ATP8B2: variants seen among roughly 807,000 people sequenced by gnomAD.
ATP8B2 encodes the protein ATPase phospholipid transporting 8B2, also known as phospholipid-transporting ATPase ID.
Under a neutral mutation model 133.4 loss-of-function variants are expected in ATP8B2, and 70 were observed. The observed-to-expected ratio is 0.52, with a 90% CI of 0.43 to 0.64. The LOEUF (loss-of-function observed/expected upper bound fraction) is 0.64, where lower values mean the gene tolerates loss of function less well. ATP8B2 is among the 30% of genes least tolerant of loss of function. The probability of loss-of-function intolerance (pLI) is 0.00; values close to 1 mark genes in which losing one functional copy is unlikely to be tolerated. For missense variants in ATP8B2, 1,101 were observed against 1,535.7 expected, an observed-to-expected ratio of 0.72 and a Z score of 4.73; for synonymous variants, 517 against 589.5, an observed-to-expected ratio of 0.88 and a Z score of 1.78.
At position 154,328,897 on chromosome 1, in the gene ATP8B2, G is replaced by T. The variant is rs1570844957; in HGVS notation, c.31+725G>T. The stretch of plus-strand genomic sequence containing the variant: ...TGGGGCTCCCCTCTGAGCGGCTGCG[G>T]CTCCTGCACCTCCCCGGGGAGCCGC... On this transcript the variant is annotated intron_variant, in intron 2 of 27. Transcript: ENST00000368489. The surrounding 1 kb of genome is among the most constrained non-coding windows in gnomAD (Gnocchi z 4.6). The T allele has an allele frequency of 7.9e-7, 1 of 1,272,486 alleles. No homozygotes were observed. The highest frequency in any genetic ancestry group is 7.4e-5 in the East Asian group (1 of 13,520). The allele number at this position is 1,272,486 out of a possible 1,614,324, so 78.8% of individuals were successfully genotyped here.
Position 154,343,200 on chromosome 1 carries a change from C to T in ATP8B2, c.1541C>T (p.Thr514Ile). The change falls in exon 16 of 28, where the codon ACC (threonine) becomes ATC (isoleucine). Residue 514 changes from threonine (T) to isoleucine (I), a missense_variant. Thr to Ile is a moderately conservative substitution (Grantham distance 89). Transcript: ENST00000368489. This position sits in a 1 kb window ranked among gnomAD's most constrained non-coding sequence, Gnocchi z 5.8. ...RNFGFVFRSR[T>I]PKTITVHEMG... is the part of the protein sequence containing the mutation. ...TTTGGTTTTGTTTTCCGCTCTCGCA[C>T]CCCCAAAACAATCACCGTCCATGAG... 3 of 1,614,134 alleles carry T rather than the reference C, an allele frequency of 1.9e-6. No individual in the cohort carries two copies. The highest frequency in any genetic ancestry group is 2.5e-6 in the Non-Finnish European group (3 of 1,180,024).
rs1441016672 is a variant in ATP8B2, at chr1:154,340,925, G to A, written c.1106G>A (p.Arg369Gln). 1.4e-5 allele frequency: 23 copies of A among 1,614,032 alleles called. No homozygotes were observed. The highest frequency in any genetic ancestry group is 1.7e-5 in the Non-Finnish European group (20 of 1,180,030). Residue 369 changes from arginine (R) to glutamine (Q), a missense_variant, in exon 13 of 28, where the codon CGG becomes CAG. Transcript: ENST00000368489. The surrounding 1 kb of genome is among the most constrained non-coding windows in gnomAD (Gnocchi z 4.0). ...AAGAAGATGTTCTGCATGAAGAAGC[G>A]GACGCCTGCAGAAGCCCGCACCACC... ...WDKKMFCMKK[R>Q]TPAEARTTTL... is the part of the protein sequence containing the mutation.
Position 154,331,911 on chromosome 1 carries a change from G to A in ATP8B2, c.439-43G>A, listed in dbSNP as rs1686005972. On this transcript the variant is annotated intron_variant, in intron 7 of 27. Transcript: ENST00000368489. The surrounding 1 kb of genome is among the most constrained non-coding windows in gnomAD (Gnocchi z 4.8). ...GCCACCATTACAGCCCACTGGGGGT[G>A]GAGGTTTGCATATTTGGACTTCTCA... The A allele has an allele frequency of 6.4e-7, 1 of 1,574,742 alleles. No homozygotes were observed. Among genetic ancestry groups the A allele is most frequent in the Non-Finnish European group, 8.7e-7 (1 of 1,144,246 alleles).
intron 1 of ATP8B2, among the ~76,000 whole-genome samples, chr1:154,326,010 C>T (rs1570840768): frequency 6.6e-6 from 1 of 152,082 alleles, no homozygotes; most frequent in East Asian, 1.9e-4. Flanking sequence ...GCTCGTGCAG[C>T]CTTGGCCAGG....
At position 154,328,690 on chromosome 1, in the gene ATP8B2, G is replaced by A. The variant is rs1377704224; in HGVS notation, c.31+518G>A. ...CTGGCAGGCTGCGGCTCCTGCAGTC[G>A]GGGAGCGGGCGGGGGCGGAACCCTG... On this transcript the variant is annotated intron_variant, in intron 2 of 27. Transcript: ENST00000368489. The surrounding 1 kb of genome is among the most constrained non-coding windows in gnomAD (Gnocchi z 4.6). The A allele has an allele frequency of 2.4e-5, 18 of 753,082 alleles. No individual in the cohort carries two copies. Among genetic ancestry groups the A allele is most frequent in the African/African-American group, 3.8e-5 (2 of 53,148 alleles). The allele number at this position is 753,082 out of a possible 1,614,324, so 46.6% of individuals were successfully genotyped here.
At chr1:154,348,608 G>A (rs2297606) in intron 27 of ATP8B2, 70 bp downstream of exon 27, 137 of 1,579,924 alleles carry the variant, frequency 8.7e-5, no homozygotes, top group South Asian at 3.6e-4. Flanking sequence ...GTGAACACTG[G>A]GGGGCTCTGT....
In ATP8B2 at chr1:154,331,247, G is replaced by T; in HGVS notation, c.303+101G>T. On this transcript the variant is annotated intron_variant, in intron 5 of 27. Transcript: ENST00000368489. This position sits in a 1 kb window ranked among gnomAD's most constrained non-coding sequence, Gnocchi z 4.8. ...CCTTCATCCAGCACAATTTCTTGGT[G>T]ACCTTGACATCCCTTACCCGGTCCA... 1 of 1,227,140 alleles carries T rather than the reference G, an allele frequency of 8.1e-7. No individual in the cohort carries two copies. Among genetic ancestry groups the T allele is most frequent in the South Asian group, 1.3e-5 (1 of 74,256 alleles). 76.0% of individuals were successfully genotyped at this position (1,227,140 alleles called of 1,614,324 possible).
In ATP8B2 at chr1:154,345,350, G is replaced by A. The variant is rs539120418; in HGVS notation, c.2499G>A (p.Gly833=). ...CTCACATTGGTGTGGGGATCAGTGG[G>A]CAGGAAGGGATCCAGGCTGTCTTGG... The part of the protein sequence containing the change: ...KTAHIGVGIS[G]QEGIQAVLAS... The change falls in exon 23 of 28, where the codon GGG becomes GGA. Residue 833 remains glycine (G), a synonymous_variant. Transcript: ENST00000368489. This position sits in a 1 kb window ranked among gnomAD's most constrained non-coding sequence, Gnocchi z 5.6. The A allele has an allele frequency of 3.1e-6, 5 of 1,614,148 alleles. No homozygotes were observed. Among genetic ancestry groups the A allele is most frequent in the African/African-American group, 2.7e-5 (2 of 75,048 alleles).
intron 13 of ATP8B2, among the ~76,000 whole-genome samples, chr1:154,342,205 AG>A (rs548457546): frequency 4.6e-5 from 7 of 151,044 alleles, no homozygotes; most frequent in Non-Finnish European, 1.0e-4. Flanking sequence ...AGCTGCCCTG[AG>A]GGGGGTGCCG....
chr1:154,332,574 G>A (rs554034699), intron 8 of ATP8B2, 44 bp from the exon 9 acceptor site: 2 of 1,463,112 alleles, frequency 1.4e-6, no homozygotes, highest in East Asian at 4.9e-5. Context: ...AAAACATTTA[G>A]AGGATGAGGA....
In ATP8B2 at chr1:154,337,503, C is replaced by T. The variant is rs747234330; in HGVS notation, c.993C>T (p.Ile331=). ...GCTTCCTCTCCTTCTGGTCCTACATCATCATCCTCAACACCGTTGTGCCCA... is the reference window on the plus strand; with the variant it reads ...GCTTCCTCTCCTTCTGGTCCTACATTATCATCCTCAACACCGTTGTGCCCA... ...FSGFLSFWSY[I]IILNTVVPIS... is the part of the protein sequence containing the mutation. The change falls in exon 12 of 28, where the codon ATC becomes ATT. Residue 331 remains isoleucine (I), a synonymous_variant. Transcript: ENST00000368489. 5 of 1,614,086 alleles carry T rather than the reference C, an allele frequency of 3.1e-6. No homozygotes were observed. Among genetic ancestry groups the T allele is most frequent in the Admixed American group, 3.3e-5 (2 of 59,998 alleles).
At position 154,331,207 on chromosome 1, in the gene ATP8B2, C is replaced by A; in HGVS notation, c.303+61C>A. On this transcript the variant is annotated intron_variant, in intron 5 of 27. Coordinates refer to ENST00000368489, the MANE Select transcript of ATP8B2 (RefSeq NM_001370597.1). This position sits in a 1 kb window ranked among gnomAD's most constrained non-coding sequence, Gnocchi z 4.8. Reference sequence around the variant, plus strand: ...ACCCACCCCTACTCCCAGCCCCACCCCCATCTCATGGCCACCTTCATCCAG... The same window carrying A: ...ACCCACCCCTACTCCCAGCCCCACCACCATCTCATGGCCACCTTCATCCAG... 3 of 1,465,938 alleles carry A rather than the reference C, an allele frequency of 2.0e-6. No individual in the cohort carries two copies. Among genetic ancestry groups the A allele is most frequent in the East Asian group, 2.3e-5 (1 of 43,384 alleles). The allele number at this position is 1,465,938 out of a possible 1,614,324, so 90.8% of individuals were successfully genotyped here.
At position 154,344,526 on chromosome 1, in the gene ATP8B2, G is replaced by A; in HGVS notation, c.2141+26G>A. ...GTAAACAAGAAGCCCAGGGGAGGCG[G>A]TGCTGTGCGTTGTGCCCAGGGCTCA... On this transcript the variant is annotated intron_variant, in intron 20 of 27. Coordinates refer to ENST00000368489, the MANE Select transcript of ATP8B2 (RefSeq NM_001370597.1). This position sits in a 1 kb window ranked among gnomAD's most constrained non-coding sequence, Gnocchi z 4.1. 1 of 1,614,010 alleles carries A rather than the reference G, an allele frequency of 6.2e-7. No individual in the cohort carries two copies. Among genetic ancestry groups the A allele is most frequent in the Non-Finnish European group, 8.5e-7 (1 of 1,179,972 alleles).
chr1:154,337,110 T>G (rs1161381112), intron 11 of ATP8B2, among the ~76,000 whole-genome samples: 1 of 74,306 alleles, frequency 1.3e-5, no homozygotes, highest in East Asian at 7.3e-4. Context: ...TAATAGTTTT[T>G]TTTTTTTTTA....
chr1:154,350,048 GTTTTCTTTTCTT>G lies in ATP8B2; in HGVS notation c.*940_*951del, dbSNP rs1305394286. 6.6e-6 allele frequency: 1 copy of G among 151,916 alleles called. No individual in the cohort carries two copies. The highest frequency in any genetic ancestry group is 2.4e-5 in the African/African-American group (1 of 41,342). The allele number at this position is 151,916 out of a possible 1,614,324, so 9.4% of individuals were successfully genotyped here. A position where few individuals can be genotyped will look rare whatever the true frequency, so the allele number is the denominator to read the frequency against. On this transcript the variant is annotated 3_prime_UTR_variant, in exon 28 of 28. Transcript: ENST00000368489. ...GAAATTTGGTCAGTGGGGAGGGGTA[GTTTTCTTTTCTT>G]TTTTCTTTTTCTTTTTTTCTTTTTT...
intron 11 of ATP8B2, among the ~76,000 whole-genome samples, chr1:154,336,102 T>G (rs1686172045): frequency 6.6e-6 from 1 of 152,120 alleles, no homozygotes; most frequent in African/African-American, 2.4e-5. Flanking sequence ...CTTGGCATTT[T>G]TGTTGGCTTG....
chr1:154,338,807 C>G (rs1000282965), intron 12 of ATP8B2: 2 of 151,908 alleles, frequency 1.3e-5, no homozygotes, highest in African/African-American at 2.4e-5. Flanking sequence ...ACCCCTCCCC[C>G]ACAAAAAGAA....
At chr1:154,326,874 C>T (rs1199785278) in intron 1 of ATP8B2, among the ~76,000 whole-genome samples, 1 of 152,216 alleles carries the variant, frequency 6.6e-6, no homozygotes, top group Non-Finnish European at 1.5e-5. Context: ...GTGACTCATA[C>T]TCAGACTGGG....
rs1686326722 is a variant in ATP8B2, at chr1:154,340,091, G to GATTGA, written c.1035-759_1035-758insAATTG. ...GCTACTAGGGAGGCTGAGGTGGGAGGATTGCTTGAGCCCAGGAGTTTGAGG... is the reference window on the plus strand; with the variant it reads ...GCTACTAGGGAGGCTGAGGTGGGAGGATTGAATTGCTTGAGCCCAGGAGTTTGAGG... On this transcript the variant is annotated intron_variant, in intron 12 of 27. Coordinates refer to ENST00000368489, the MANE Select transcript of ATP8B2 (RefSeq NM_001370597.1). This position sits in a 1 kb window ranked among gnomAD's most constrained non-coding sequence, Gnocchi z 4.0. Among the ~76,000 whole-genome samples, 1 of 152,106 alleles carries GATTGA rather than the reference G, an allele frequency of 6.6e-6. No individual in the cohort carries two copies. Among genetic ancestry groups the GATTGA allele is most frequent in the Admixed American group, 6.5e-5 (1 of 15,282 alleles).
Sources: allele counts gnomAD v4.1 joint callset (sites outside exome capture counted in the v4.1 genomes callset), GRCh38; gene constraint gnomAD v4.1.1; non-coding constraint Gnocchi (gnomAD v3.1); transcripts MANE v1.5; gene names NCBI Gene and HGNC (gene_info 2026-07-23, HGNC 2026-07-21).